Variants in SRBD1 observed in about 807,000 individuals in gnomAD.
SRBD1 encodes the protein S1 RNA binding domain 1, also known as S1 RNA-binding domain-containing protein 1.
Under a neutral mutation model 115.3 loss-of-function variants are expected in SRBD1, and 88 were observed. The ratio of observed to expected loss-of-function variants is 0.76; its 90% CI spans 0.64 to 0.91. SRBD1 has a LOEUF of 0.91. Among genes scored for constraint, SRBD1 ranks in the 40% least tolerant of loss-of-function variants. The probability of loss-of-function intolerance (pLI) is 0.00; values close to 1 mark genes in which losing one functional copy is unlikely to be tolerated. For missense variants in SRBD1, 1,385 were observed against 1,177.4 expected (o/e 1.18, Z -2.58); for synonymous variants, 509 against 407.7 (o/e 1.25, Z -2.99).
intron 1 of SRBD1, among the ~76,000 whole-genome samples, chr2:45,610,084 A>G (rs1017948784): frequency 2.0e-5 from 3 of 152,224 alleles, no homozygotes. Flanking sequence ...GAATATTCCT[A>G]TTCTTCAGTG....
intron 4 of SRBD1, among the ~76,000 whole-genome samples, chr2:45,592,235 G>C (rs1279578361): frequency 6.6e-6 from 1 of 152,128 alleles, no homozygotes; most frequent in African/African-American, 2.4e-5. Context: ...TCTTGGGTAT[G>C]TCTTTGTCAG....
intron 1 of SRBD1, among the ~76,000 whole-genome samples, chr2:45,609,509 T>G (rs1674378464): frequency 6.6e-6 from 1 of 152,186 alleles, no homozygotes; most frequent in Non-Finnish European, 1.5e-5. Flanking sequence ...AACAACGAAT[T>G]ACTTCCCACC....
rs571468889 is a variant in SRBD1 at position 45,396,517 on chromosome 2, GA to G, written c.2514-3389del. Reference sequence around the variant, plus strand: ...ATTTCATCCATCTTACTTAAAGTAAGAAAGTACCATAAATGCAACAAATAAG... The same window carrying G: ...ATTTCATCCATCTTACTTAAAGTAAGAAGTACCATAAATGCAACAAATAAG... On this transcript the variant is annotated intron_variant, in intron 19 of 20. Coordinates refer to ENST00000263736, the MANE Select transcript of SRBD1 (RefSeq NM_018079.5). Among the ~76,000 whole-genome samples the G allele has an allele frequency of 4.5e-3, 682 of 152,046 alleles. 2 individuals carry two copies. Among genetic ancestry groups the G allele is most frequent in the Non-Finnish European group, 7.2e-3 (487 of 67,994 alleles).
At chr2:45,393,481 C>T (rs1271425406) in intron 19 of SRBD1, among the ~76,000 whole-genome samples, 11 of 152,136 alleles carry the variant, frequency 7.2e-5, no homozygotes, top group Non-Finnish European at 1.3e-4. Flanking sequence ...CCTGGGTTCA[C>T]GCCATTCTCC....
intron 16 of SRBD1, among the ~76,000 whole-genome samples, chr2:45,433,535 C>T (rs998502516): frequency 2.6e-5 from 4 of 152,168 alleles, no homozygotes; most frequent in Non-Finnish European, 4.4e-5. Flanking sequence ...TGACATGTGA[C>T]AGTTTTTAAG....
At chr2:45,443,546 G>C (rs567387187) in intron 16 of SRBD1, among the ~76,000 whole-genome samples, 1 of 152,190 alleles carries the variant, frequency 6.6e-6, no homozygotes. Context: ...GAAAGGTTAA[G>C]ATGGCAGGTG....
chr2:45,580,134 C>T, intron 6 of SRBD1, 121 bp from the exon 7 acceptor site: 2 of 815,520 alleles, frequency 2.5e-6, no homozygotes, highest in Middle Eastern at 3.9e-4. Flanking sequence ...ATCTTTTCCT[C>T]TTCCTTCAGA....
intron 10 of SRBD1, among the ~76,000 whole-genome samples, chr2:45,554,186 A>G (rs536353652): frequency 6.6e-6 from 1 of 152,294 alleles, no homozygotes; most frequent in East Asian, 1.9e-4. Context: ...ATAAGAAGAG[A>G]TAACAGAGGG....
intron 16 of SRBD1, among the ~76,000 whole-genome samples, chr2:45,421,259 G>A (rs1224471305): frequency 6.6e-6 from 1 of 152,038 alleles, no homozygotes; most frequent in Non-Finnish European, 1.5e-5. Context: ...TGTAATCTCA[G>A]CACTTTGGGA....
chr2:45,442,594 C>T (rs970969924), intron 16 of SRBD1, among the ~76,000 whole-genome samples: 1 of 152,140 alleles, frequency 6.6e-6, no homozygotes, highest in African/African-American at 2.4e-5. Context: ...GAGAATCCTA[C>T]GGTATAGGAA....
chr2:45,556,333 T>G (rs754549591), intron 10 of SRBD1, among the ~76,000 whole-genome samples: 25 of 150,568 alleles, frequency 1.7e-4, no homozygotes, highest in Non-Finnish European at 3.5e-4. Flanking sequence ...GCACAATAAA[T>G]GTAAAAACAG....
chr2:45,571,021 T>G (rs1049052718), intron 9 of SRBD1, among the ~76,000 whole-genome samples: 1 of 151,952 alleles, frequency 6.6e-6, no homozygotes, highest in Non-Finnish European at 1.5e-5. Context: ...AATGAGATAT[T>G]TGAGGGAAAA....
Position 45,520,732 on chromosome 2 carries a change from C to G in SRBD1, c.1874+26000G>C, listed in dbSNP as rs374738486. Among the ~76,000 whole-genome samples the G allele has an allele frequency of 9.9e-5, 15 of 152,180 alleles. No individual in the cohort carries two copies. In the East Asian group the frequency reaches 1.7e-3, roughly 18 times the overall value. On this transcript the variant is annotated intron_variant, in intron 14 of 20. Coordinates refer to ENST00000263736, the MANE Select transcript of SRBD1 (RefSeq NM_018079.5). ...CAAGATGAGTTTGGCTGGGGGTGGT[C>G]GGAGAGAAGAATCAGCCACTGTACA...
chr2:45,559,853 G>C (rs1298232078), intron 10 of SRBD1, among the ~76,000 whole-genome samples: 2 of 152,152 alleles, frequency 1.3e-5, no homozygotes, highest in East Asian at 3.8e-4. Context: ...GGCGGAAGTT[G>C]GTGGATCACT....
At chr2:45,600,902 A>G (rs2104250452) in intron 3 of SRBD1, among the ~76,000 whole-genome samples, 1 of 152,318 alleles carries the variant, frequency 6.6e-6, no homozygotes, top group South Asian at 2.1e-4. Flanking sequence ...ACTACAATAA[A>G]GAGCACCTCC....
At chr2:45,399,599 T>G (rs530260391) in intron 19 of SRBD1, among the ~76,000 whole-genome samples, 1 of 152,212 alleles carries the variant, frequency 6.6e-6, no homozygotes, top group Admixed American at 6.5e-5. Context: ...AGATTACATC[T>G]TCATTAGCAG....
chr2:45,465,860 C>G (rs545981218), intron 16 of SRBD1, among the ~76,000 whole-genome samples: 32 of 152,204 alleles, frequency 2.1e-4, no homozygotes, highest in African/African-American at 7.5e-4. Flanking sequence ...TAAAATTAAA[C>G]ACAAAAGACA....
At chr2:45,570,242 G>T (rs1672965779) in intron 9 of SRBD1, among the ~76,000 whole-genome samples, 1 of 152,160 alleles carries the variant, frequency 6.6e-6, no homozygotes, top group African/African-American at 2.4e-5. Flanking sequence ...AAAGGCTTTG[G>T]AAAGCTCTGG....
At position 45,605,296 on chromosome 2, in the gene SRBD1, G is replaced by C. The variant is rs190371007; in HGVS notation, c.80+66C>G. 252 of 1,462,506 alleles carry C rather than the reference G, an allele frequency of 1.7e-4. No homozygotes were observed. In the Admixed American group the frequency reaches 3.8e-3, roughly 22 times the overall value. The allele number at this position is 1,462,506 out of a possible 1,614,324, so 90.6% of individuals were successfully genotyped here. A position where few individuals can be genotyped will look rare whatever the true frequency, so the allele number is the denominator to read the frequency against. On this transcript the variant is annotated intron_variant, in intron 2 of 20. Coordinates refer to ENST00000263736, the MANE Select transcript of SRBD1 (RefSeq NM_018079.5). ...TCACTTAAGGAGTTAGAAAGTGACAGAATGCATTACTCCTTATTAAAATAT... is the reference window on the plus strand; with the variant it reads ...TCACTTAAGGAGTTAGAAAGTGACACAATGCATTACTCCTTATTAAAATAT...
Sources: allele counts gnomAD v4.1 joint callset (sites outside exome capture counted in the v4.1 genomes callset), GRCh38; gene constraint gnomAD v4.1.1; transcripts MANE v1.5; gene names NCBI Gene and HGNC (gene_info 2026-07-23, HGNC 2026-07-21).